ZNF618: variants seen among roughly 807,000 people sequenced by gnomAD.
The protein encoded by ZNF618 is neural precursor cell expressed, developmentally down-regulated 10.
ZNF618 carries 34 observed loss-of-function variants against 103.0 expected under a neutral mutation model. That is an observed-to-expected ratio of 0.33 (90% CI 0.25 to 0.44). The LOEUF is 0.44. ZNF618 is among the 20% of genes least tolerant of loss of function. The pLI is 1.00. For synonymous variants in ZNF618, 551 were observed against 542.2 expected, an observed-to-expected ratio of 1.02 and a Z score of -0.23; for missense variants, 1,059 against 1,295.4, an observed-to-expected ratio of 0.82 and a Z score of 2.80.
At chr9:113,961,809 G>A (rs1209353118) in intron 1 of ZNF618, among the ~76,000 whole-genome samples, 1 of 152,112 alleles carries the variant, frequency 6.6e-6, no homozygotes, top group Non-Finnish European at 1.5e-5. Context: ...CATTTTTTAG[G>A]GACACCTGGT....
intron 13 of ZNF618, among the ~76,000 whole-genome samples, chr9:114,041,778 G>A (rs1022204836): frequency 6.6e-6 from 1 of 151,508 alleles, no homozygotes; most frequent in African/African-American, 2.4e-5. Flanking sequence ...CTCCAGCTTT[G>A]TTCTTTTGCC....
intron 1 of ZNF618, among the ~76,000 whole-genome samples, chr9:113,927,517 TC>T (rs1215953124): frequency 6.6e-6 from 1 of 152,228 alleles, no homozygotes; most frequent in Non-Finnish European, 1.5e-5. Flanking sequence ...TGGTTCTCAG[TC>T]TTTTAGTGGG....
chr9:113,951,137 G>T (rs529393295), intron 1 of ZNF618, among the ~76,000 whole-genome samples: 12 of 151,818 alleles, frequency 7.9e-5, no homozygotes, highest in African/African-American at 2.9e-4. Context: ...AGAAACCTAG[G>T]TGGTTTTTCA....
At chr9:113,913,738 A>C in intron 1 of ZNF618, among the ~76,000 whole-genome samples, 1 of 52,526 alleles carries the variant, frequency 1.9e-5, no homozygotes, top group African/African-American at 7.3e-5. Flanking sequence ...TGAGGGAGGG[A>C]GGGTGGGTGC....
intron 2 of ZNF618, among the ~76,000 whole-genome samples, chr9:113,971,654 C>T (rs1460912933): frequency 6.6e-6 from 1 of 152,200 alleles, no homozygotes; most frequent in African/African-American, 2.4e-5. Context: ...ACACGAGTAT[C>T]TCTGCCTGGT....
At chr9:113,941,073 C>T (rs1834505612) in intron 1 of ZNF618, among the ~76,000 whole-genome samples, 1 of 151,758 alleles carries the variant, frequency 6.6e-6, no homozygotes, top group Non-Finnish European at 1.5e-5. Context: ...TCTGCTTGTC[C>T]CTTCCCCAAT....
chr9:113,988,729 CT>C, intron 3 of ZNF618, 149 bp downstream of exon 3: 1 of 1,215,552 alleles, frequency 8.2e-7, no homozygotes, highest in Admixed American at 2.8e-5. Context: ...GAGATCTCAG[CT>C]TCTTAGACTT....
chr9:113,938,730 G>T (rs915949982), intron 1 of ZNF618, among the ~76,000 whole-genome samples: 1 of 151,808 alleles, frequency 6.6e-6, no homozygotes, highest in African/African-American at 2.4e-5. Context: ...CACCATGCCC[G>T]GCTAATGTTT....
At chr9:113,982,319 G>A (rs1839050006) in intron 2 of ZNF618, among the ~76,000 whole-genome samples, 2 of 152,030 alleles carry the variant, frequency 1.3e-5, no homozygotes, top group African/African-American at 4.8e-5. Context: ...AAAGCCCCAG[G>A]GGAAATCTGA....
At chr9:113,901,313 G>T in intron 1 of ZNF618, among the ~76,000 whole-genome samples, 1 of 152,092 alleles carries the variant, frequency 6.6e-6, no homozygotes, top group Admixed American at 6.5e-5. Flanking sequence ...ATTTAAAACG[G>T]GCATCTCCTT....
intron 11 of ZNF618, among the ~76,000 whole-genome samples, chr9:114,030,602 G>A (rs1285812885): frequency 6.6e-6 from 1 of 152,206 alleles, no homozygotes; most frequent in Non-Finnish European, 1.5e-5. Flanking sequence ...CTTGTGGGTA[G>A]GGGTCACCTC....
At chr9:114,014,385 G>GT (rs1259342176) in intron 9 of ZNF618, among the ~76,000 whole-genome samples, 2 of 152,172 alleles carry the variant, frequency 1.3e-5, no homozygotes, top group Non-Finnish European at 2.9e-5. Flanking sequence ...CCCTATCATG[G>GT]GTTTTTATAG....
At chr9:113,997,067 T>TC (rs1840683730) in intron 3 of ZNF618, among the ~76,000 whole-genome samples, 1 of 149,816 alleles carries the variant, frequency 6.7e-6, no homozygotes, top group Non-Finnish European at 1.5e-5. Context: ...TTTCTTTTTT[T>TC]TTTCTTCTTC....
At chr9:113,905,224 A>C (rs905520404) in intron 1 of ZNF618, among the ~76,000 whole-genome samples, 1 of 151,968 alleles carries the variant, frequency 6.6e-6, no homozygotes, top group Non-Finnish European at 1.5e-5. Flanking sequence ...CACCTGGCTA[A>C]TTTTTTATTT....
chr9:114,038,578 G>A (rs1050376060), intron 13 of ZNF618, among the ~76,000 whole-genome samples: 10 of 152,236 alleles, frequency 6.6e-5, no homozygotes, highest in African/African-American at 2.4e-4. Context: ...ATCTCATTAT[G>A]GAGCTGCTGA....
At chr9:113,993,176 G>T (rs1032419531) in intron 3 of ZNF618, among the ~76,000 whole-genome samples, 1 of 152,118 alleles carries the variant, frequency 6.6e-6, no homozygotes, top group Non-Finnish European at 1.5e-5. Flanking sequence ...AGGTTTCAGG[G>T]GCTCCTCTAG....
At chr9:113,944,520 C>CT (rs1834834314) in intron 1 of ZNF618, among the ~76,000 whole-genome samples, 1 of 152,204 alleles carries the variant, frequency 6.6e-6, no homozygotes, top group African/African-American at 2.4e-5. Context: ...CTCTAGTGAT[C>CT]TGCCCACCTT....
At chr9:114,028,460 T>C (rs1843708253) in intron 10 of ZNF618, 1 of 482,400 alleles carries the variant, frequency 2.1e-6, no homozygotes, top group Admixed American at 3.8e-5. Flanking sequence ...TAAGAGCCAG[T>C]CAGTCCAGAG....
chr9:114,014,509 G>T (rs1842505399), intron 9 of ZNF618, among the ~76,000 whole-genome samples: 1 of 152,166 alleles, frequency 6.6e-6, no homozygotes, highest in East Asian at 1.9e-4. Flanking sequence ...TTGAAGGCAA[G>T]AACTTTGCCT....
Sources: allele counts gnomAD v4.1 joint callset (sites outside exome capture counted in the v4.1 genomes callset), GRCh38; gene constraint gnomAD v4.1.1; transcripts MANE v1.5; gene names NCBI Gene and HGNC (gene_info 2026-07-23, HGNC 2026-07-21).